NLRP2: variants seen among roughly 807,000 people sequenced by gnomAD.
The protein encoded by NLRP2 is NACHT, LRR and PYD domains-containing protein 2.
A neutral mutation model predicts 97.2 loss-of-function variants in NLRP2; 107 were observed. The ratio of observed to expected loss-of-function variants is 1.10; its 90% CI spans 0.94 to 1.29. NLRP2 has a LOEUF of 1.29. NLRP2 is among the 50% of genes most tolerant of loss of function. The pLI is 0.00. For synonymous variants in NLRP2, 663 were observed against 551.5 expected (o/e 1.20, Z -2.83); for missense variants, 1,495 against 1,330.3 (o/e 1.12, Z -1.93).
At chr19:54,973,188 C>CAA (rs535718658) in intron 2 of NLRP2, among the ~76,000 whole-genome samples, 7 of 131,370 alleles carry the variant, frequency 5.3e-5, no homozygotes, top group African/African-American at 1.7e-4. Context: ...GACTCCATCT[C>CAA]AAAAAAAAAA....
intron 4 of NLRP2, among the ~76,000 whole-genome samples, chr19:54,980,344 C>T (rs567664656): frequency 5.9e-5 from 9 of 151,388 alleles, no homozygotes; most frequent in East Asian, 5.9e-4. Flanking sequence ...TACAGGCGCC[C>T]GCCACACGCC....
Position 54,983,438 on chromosome 19 carries a change from C to T in NLRP2, c.1740C>T (p.Asp580=), listed in dbSNP as rs148323363. Residue 580 remains aspartate, a synonymous_variant, in exon 6 of 13, where the codon GAC becomes GAT. Transcript: ENST00000448584. ...CTTTTGGCTGCCGGATGTCACCGGA[C>T]ATCAAACAGGAATTGCTGCGATGCG... ...EATFGCRMSP[D]IKQELLRCDI... 4 of 1,614,188 alleles carry T rather than the reference C, an allele frequency of 2.5e-6. No homozygotes were observed. The highest frequency in any genetic ancestry group is 3.4e-6 in the Non-Finnish European group (4 of 1,180,052).
chr19:54,981,566 AG>A, intron 4 of NLRP2, 50 bp from the exon 5 acceptor site: 1 of 846,862 alleles, frequency 1.2e-6, no homozygotes, highest in Non-Finnish European at 1.8e-6. Flanking sequence ...GGGACTCCAC[AG>A]GAAATACACC....
In NLRP2 at chr19:54,986,557, T is replaced by A. The variant is rs536835189; in HGVS notation, c.2366+242T>A. ...AGAAACTCCCAGAATCTTTATCATC[T>A]TTTTTTTTTTTTTTATGAAGTCTTG... On this transcript the variant is annotated intron_variant, in intron 8 of 12. Coordinates refer to ENST00000448584, the MANE Select transcript of NLRP2 (RefSeq NM_017852.5). 8.4e-4 allele frequency among the ~76,000 whole-genome samples: 54 copies of A among 64,298 alleles called. 1 individual carries two copies. The highest frequency in any genetic ancestry group is 2.5e-3 in the African/African-American group (52 of 20,886). 42.2% of individuals were successfully genotyped at this position (64,298 alleles called of 152,430 possible).
At chr19:54,972,679 A>G (rs955582084) in intron 2 of NLRP2, among the ~76,000 whole-genome samples, 1 of 151,860 alleles carries the variant, frequency 6.6e-6, no homozygotes. Flanking sequence ...CTGGTCTCGA[A>G]CTTCTGTGGG....
At chr19:54,978,769 C>T (rs1359947597) in intron 4 of NLRP2, among the ~76,000 whole-genome samples, 1 of 151,086 alleles carries the variant, frequency 6.6e-6, no homozygotes, top group Non-Finnish European at 1.5e-5. Flanking sequence ...ATCGCTTGAA[C>T]CCGGGAGGTG....
chr19:54,972,032 T>C (rs972595912), intron 2 of NLRP2, among the ~76,000 whole-genome samples: 3 of 141,328 alleles, frequency 2.1e-5, no homozygotes, highest in African/African-American at 5.2e-5. Context: ...TAAATAGAGA[T>C]GGGGTTTCAC....
chr19:54,993,794 A>G (rs1470693664), intron 10 of NLRP2: 2 of 260,728 alleles, frequency 7.7e-6, no homozygotes, highest in Non-Finnish European at 1.5e-5. Context: ...GCGTGAAACC[A>G]GGAGGCGGAG....
chr19:54,985,141 A>C lies in NLRP2; in HGVS notation c.2125A>C (p.Ser709Arg). The change falls in exon 7 of 13, where the codon AGC (serine) becomes CGC (arginine). Residue 709 changes from serine (S) to arginine (R), a missense_variant. Coordinates refer to ENST00000448584, the MANE Select transcript of NLRP2 (RefSeq NM_017852.5). The part of the protein sequence containing the change: ...KDLMGLAIND[S>R]FLSASLVRIL... ...TCTGATGGGTCTAGCAATCAATGAT[A>C]GCTTTCTCAGTGCCTCCCTAGTAAG... 6.2e-7 allele frequency: 1 copy of C among 1,613,842 alleles called. No individual in the cohort carries two copies. The highest frequency in any genetic ancestry group is 1.3e-5 in the African/African-American group (1 of 75,056).
intron 8 of NLRP2, among the ~76,000 whole-genome samples, chr19:54,986,805 C>G (rs930054341): frequency 6.6e-6 from 1 of 151,766 alleles, no homozygotes; most frequent in Non-Finnish European, 1.5e-5. Context: ...TCCTCAGGCT[C>G]CCAAAGTGCT....
chr19:54,985,677 C>CAAAAAA (rs113852885), intron 7 of NLRP2, among the ~76,000 whole-genome samples: 30 of 66,588 alleles, frequency 4.5e-4, no homozygotes, highest in South Asian at 1.1e-3. Context: ...GACTGCGTCT[C>CAAAAAA]AAAAAAAAAA....
At chr19:54,974,887 C>T (rs895175543) in intron 3 of NLRP2, among the ~76,000 whole-genome samples, 20 of 152,048 alleles carry the variant, frequency 1.3e-4, no homozygotes, top group Non-Finnish European at 1.5e-5. Flanking sequence ...GCAACCTCTA[C>T]CTCCTGGGTT....
intron 2 of NLRP2, 89 bp from the exon 3 acceptor site, chr19:54,974,411 G>A: frequency 1.1e-6 from 1 of 948,008 alleles, no homozygotes; most frequent in South Asian, 1.3e-5. Flanking sequence ...AAGTGATCCA[G>A]TTCTAAGTGT....
chr19:54,970,925 C>G (rs1000616685), intron 2 of NLRP2, among the ~76,000 whole-genome samples: 1 of 141,622 alleles, frequency 7.1e-6, no homozygotes, highest in Non-Finnish European at 1.5e-5. Context: ...CACCCACTAA[C>G]TCGTCATCTA....
intron 1 of NLRP2, among the ~76,000 whole-genome samples, chr19:54,968,215 G>A (rs955625442): frequency 7.1e-5 from 8 of 113,440 alleles, no homozygotes. Flanking sequence ...ACCGCACCCG[G>A]CCCTGTTGTT....
Position 54,974,549 on chromosome 19 carries a change from G to GT in NLRP2, c.325+7dup. On this transcript the variant is annotated splice_donor_region_variant and intron_variant, in intron 3 of 12. Coordinates refer to ENST00000448584, the MANE Select transcript of NLRP2 (RefSeq NM_017852.5). ...AAAGGAAGCCTCTATCATTAGGTAA[G>GT]TTACCTCATTTATAACTTTTATTCT... is the stretch of plus-strand genomic sequence containing the variant. 6.4e-7 allele frequency: 1 copy of GT among 1,573,602 alleles called. No homozygotes were observed. The highest frequency in any genetic ancestry group is 1.1e-5 in the South Asian group (1 of 90,216).
chr19:54,987,322 T>G (rs2072163808), intron 8 of NLRP2, among the ~76,000 whole-genome samples: 1 of 152,174 alleles, frequency 6.6e-6, no homozygotes, highest in African/African-American at 2.4e-5. Context: ...GTTGCCCCTT[T>G]TCTGTTAGTC....
At position 54,982,482 on chromosome 19, in the gene NLRP2, G is replaced by A. The variant is rs2071650455; in HGVS notation, c.784G>A (p.Val262Ile). The change falls in exon 6 of 13, where the codon GTC becomes ATC. Residue 262 changes from valine (V) to isoleucine (I), a missense_variant. By Grantham distance (29) the Val-to-Ile change is conservative. Transcript: ENST00000448584. ...GGGCCCGTGCAGTTTTGCAGAGCTGGTCTTCAGGGACTGGCCTGAATTGCA... is the reference window on the plus strand; with the variant it reads ...GGGCCCGTGCAGTTTTGCAGAGCTGATCTTCAGGGACTGGCCTGAATTGCA... ...RLGPCSFAEL[V>I]FRDWPELQDD... The A allele has an allele frequency of 1.2e-6, 2 of 1,614,200 alleles. No individual in the cohort carries two copies. The highest frequency in any genetic ancestry group is 1.7e-6 in the Non-Finnish European group (2 of 1,180,036).
chr19:54,973,890 A>G lies in NLRP2; in HGVS notation c.281-610A>G, dbSNP rs543944220. 70 of 677,552 alleles carry G rather than the reference A, an allele frequency of 1.0e-4. No individual in the cohort carries two copies. The African/African-American group carries it at 1.1e-3, about 11-fold the overall frequency. 42.0% of individuals were successfully genotyped at this position (677,552 alleles called of 1,614,324 possible). On this transcript the variant is annotated intron_variant, in intron 2 of 12. Coordinates refer to ENST00000448584, the MANE Select transcript of NLRP2 (RefSeq NM_017852.5). ...AAGCACCACCCCCACAAAGTGACAC[A>G]AGGCAAGGATTCTTGGTATGCCCAG...
Sources: allele counts gnomAD v4.1 joint callset (sites outside exome capture counted in the v4.1 genomes callset), GRCh38; gene constraint gnomAD v4.1.1; transcripts MANE v1.5; gene names NCBI Gene and HGNC (gene_info 2026-07-23, HGNC 2026-07-21).